Variants in CDC34 observed in about 807,000 individuals in gnomAD.
CDC34 encodes the protein cell division cycle 34, ubiquitin conjugating enzyme.
Under a neutral mutation model 26.8 loss-of-function variants are expected in CDC34, and 18 were observed. The ratio of observed to expected loss-of-function variants is 0.67; its 90% CI spans 0.47 to 1.00. The LOEUF is 1.00. Ranked by LOEUF, CDC34 falls within the 50% of genes least tolerant of loss-of-function variation. The pLI is 0.00. For missense variants in CDC34, 280 were observed against 334.5 expected, an observed-to-expected ratio of 0.84 and a Z score of 1.27; for synonymous variants, 178 against 147.5, an observed-to-expected ratio of 1.21 and a Z score of -1.50.
intron 2 of CDC34, 63 bp from the exon 3 acceptor site, chr19:536,180 C>G: frequency 7.5e-7 from 1 of 1,337,994 alleles, no homozygotes; most frequent in Non-Finnish European, 1.0e-6. Flanking sequence ...TCCTCCGGGA[C>G]CTGGGGCACT....
intron 4 of CDC34, among the ~76,000 whole-genome samples, chr19:538,479 G>A (rs1243814897): frequency 1.3e-5 from 2 of 152,162 alleles, no homozygotes; most frequent in African/African-American, 4.8e-5. Context: ...TTTCTTTACG[G>A]GTTGACGGCC....
Position 536,359 on chromosome 19 carries a change from C to T in CDC34, c.362+19C>T, listed in dbSNP as rs1340028171. On this transcript the variant is annotated intron_variant, in intron 3 of 4. Coordinates refer to ENST00000215574, the MANE Select transcript of CDC34 (RefSeq NM_004359.2). ...ACGTCAGGTAAGCCGGCCCAACCCCCTGTGTCCACCCAGAACATCAGGTAG... is the reference window on the plus strand; with the variant it reads ...ACGTCAGGTAAGCCGGCCCAACCCCTTGTGTCCACCCAGAACATCAGGTAG... 1 of 1,581,800 alleles carries T rather than the reference C, an allele frequency of 6.3e-7. No homozygotes were observed. The highest frequency in any genetic ancestry group is 2.3e-5 in the East Asian group (1 of 44,350).
intron 4 of CDC34, among the ~76,000 whole-genome samples, chr19:539,832 T>C (rs1478171450): frequency 6.6e-6 from 1 of 152,094 alleles, no homozygotes; most frequent in Non-Finnish European, 1.5e-5. Context: ...GTCCTGGAGG[T>C]GGAGCCGGGG....
chr19:537,159 C>G lies in CDC34; in HGVS notation c.497+12C>G, dbSNP rs181829016. 5.0e-6 allele frequency: 8 copies of G among 1,611,878 alleles called. No individual in the cohort carries two copies. The highest frequency in any genetic ancestry group is 1.3e-5 in the African/African-American group (1 of 74,908). ...ACAGACATCATCCGGTGAGGGCGGG[C>G]GGGGGCGTCACGGGAGGAGAGACTC... On this transcript the variant is annotated intron_variant, in intron 4 of 4. Transcript: ENST00000215574.
chr19:541,134 C>T (rs1447596663), intron 4 of CDC34: 1 of 624,300 alleles, frequency 1.6e-6, no homozygotes, highest in East Asian at 3.0e-5. Context: ...CTCCCACCCG[C>T]ACCTCCTGCC....
chr19:531,974 C>T lies in CDC34; in HGVS notation c.43C>T (p.Leu15=), dbSNP rs1489902925. The T allele has an allele frequency of 4.7e-6, 7 of 1,479,744 alleles. No homozygotes were observed. Among genetic ancestry groups the T allele is most frequent in the African/African-American group, 3.0e-5 (2 of 66,954 alleles). 91.7% of individuals were successfully genotyped at this position (1,479,744 alleles called of 1,614,324 possible). Residue 15 remains leucine (L), a synonymous_variant, in exon 1 of 5, where the codon CTG becomes TTG. Coordinates refer to ENST00000215574, the MANE Select transcript of CDC34 (RefSeq NM_004359.2). ...LVPSSQKALL[L]ELKGLQEEPV... The stretch of plus-strand genomic sequence containing the variant: ...GCCCAGCTCGCAGAAGGCGCTGCTG[C>T]TGGAGCTCAAGGGGCTGCAGGAAGA...
In CDC34 at chr19:541,405, C is replaced by T. The variant is rs747007644; in HGVS notation, c.564C>T (p.Ala188=). The part of the protein sequence containing the change: ...RDGVKVPTTL[A]EYCVKTKAPA... ...GCGTGAAGGTGCCCACCACGCTGGC[C>T]GAGTACTGCGTGAAGACCAAGGCGC... The change falls in exon 5 of 5, where the codon GCC becomes GCT. Residue 188 remains alanine (A), a synonymous_variant. Transcript: ENST00000215574. 22 of 1,611,732 alleles carry T rather than the reference C, an allele frequency of 1.4e-5. No homozygotes were observed. Among genetic ancestry groups the T allele is most frequent in the South Asian group, 1.2e-4 (11 of 90,960 alleles).
chr19:537,128 G>A lies in CDC34; in HGVS notation c.478G>A (p.Glu160Lys). 1 of 1,613,608 alleles carries A rather than the reference G, an allele frequency of 6.2e-7. No homozygotes were observed. The highest frequency in any genetic ancestry group is 8.5e-7 in the Non-Finnish European group (1 of 1,179,958). Residue 160 changes from glutamate to lysine, a missense_variant, in exon 4 of 5, where the codon GAG (glutamate) becomes AAG (lysine). Coordinates refer to ENST00000215574, the MANE Select transcript of CDC34 (RefSeq NM_004359.2). ...KWKESKGKDR[E>K]YTDIIRKQVL... ...GAAAGAGAGCAAGGGGAAGGATCGG[G>A]AGTACACAGACATCATCCGGTGAGG...
At chr19:537,705 C>T (rs1166633690) in intron 4 of CDC34, among the ~76,000 whole-genome samples, 2 of 121,898 alleles carry the variant, frequency 1.6e-5, no homozygotes, top group East Asian at 2.7e-4. Flanking sequence ...GCCTAGGCTG[C>T]AGTGCAGTGG....
At chr19:536,068 G>T (rs4541184) in intron 2 of CDC34, 145 bp downstream of exon 2, 1 of 312,754 alleles carries the variant, frequency 3.2e-6, no homozygotes, top group Non-Finnish European at 5.4e-6. Flanking sequence ...GGAGCCTCAC[G>T]TCCTCGTCCT....
chr19:538,303 T>A (rs1042150979), intron 4 of CDC34, among the ~76,000 whole-genome samples: 4 of 148,694 alleles, frequency 2.7e-5, no homozygotes, highest in African/African-American at 9.7e-5. Context: ...GCGCCTTCTG[T>A]ACCTGCAGTC....
chr19:539,630 G>A (rs1021272001), intron 4 of CDC34, among the ~76,000 whole-genome samples: 8 of 152,120 alleles, frequency 5.3e-5, no homozygotes, highest in Admixed American at 3.3e-4. Context: ...TGTGGGACCC[G>A]CACACCCTGG....
chr19:533,100 C>T (rs1014057186), intron 1 of CDC34, among the ~76,000 whole-genome samples: 2 of 152,222 alleles, frequency 1.3e-5, no homozygotes, highest in Non-Finnish European at 2.9e-5. Context: ...GGGCAGTTTT[C>T]TTGATCTCAC....
Position 541,477 on chromosome 19 carries a change from G to C in CDC34, c.636G>C (p.Glu212Asp), listed in dbSNP as rs1302352352. The C allele has an allele frequency of 6.2e-7, 1 of 1,612,036 alleles. No homozygotes were observed. Residue 212 changes from glutamate to aspartate, a missense_variant, in exon 5 of 5, where the codon GAG becomes GAC. Physicochemically the swap from Glu to Asp is conservative, Grantham distance 45 (BLOSUM62 2). Transcript: ENST00000215574. The part of the protein sequence containing the change: ...GSDLFYDDYY[E>D]DGEVEEEADS... Reference sequence around the variant, plus strand: ...ACCTCTTCTACGACGACTACTACGAGGACGGCGAGGTGGAGGAGGAGGCCG... The same window carrying C: ...ACCTCTTCTACGACGACTACTACGACGACGGCGAGGTGGAGGAGGAGGCCG...
intron 1 of CDC34, among the ~76,000 whole-genome samples, 174 bp from the exon 2 acceptor site, chr19:535,663 T>C (rs1347773164): frequency 6.6e-6 from 1 of 152,198 alleles, no homozygotes; most frequent in East Asian, 1.9e-4. Context: ...TCAGGCAGCC[T>C]TCTGGGGACT....
intron 4 of CDC34, among the ~76,000 whole-genome samples, chr19:539,331 T>C (rs1279363915): frequency 1.1e-4 from 15 of 142,790 alleles, no homozygotes; most frequent in Non-Finnish European, 1.5e-5. Flanking sequence ...TGCGGTGCCG[T>C]CCCCGGGGCA....
intron 1 of CDC34, among the ~76,000 whole-genome samples, chr19:534,874 C>A (rs1021324110): frequency 3.7e-5 from 5 of 136,698 alleles, no homozygotes; most frequent in Non-Finnish European, 6.5e-5. Context: ...CCTCCCTGTC[C>A]AGACCTCGCC....
intron 4 of CDC34, among the ~76,000 whole-genome samples, chr19:537,357 C>T (rs1979803285): frequency 6.6e-6 from 1 of 151,532 alleles, no homozygotes; most frequent in African/African-American, 2.4e-5. Context: ...CCCTTTTCCT[C>T]TTTTTTTTTG....
chr19:541,130 C>T, intron 4 of CDC34: 1 of 608,814 alleles, frequency 1.6e-6, no homozygotes, highest in Non-Finnish European at 2.7e-6. Flanking sequence ...CAGCCTCCCA[C>T]CCGCACCTCC....
Sources: allele counts gnomAD v4.1 joint callset (sites outside exome capture counted in the v4.1 genomes callset), GRCh38; gene constraint gnomAD v4.1.1; transcripts MANE v1.5; gene names NCBI Gene and HGNC (gene_info 2026-07-23, HGNC 2026-07-21).